The following HYCC2 variants were observed in gnomAD, a reference collection of about 807,000 sequenced individuals.
HYCC2 encodes the protein hyccin PI4KA lipid kinase complex subunit 2.
chr2:201,067,077 T>C, the HYCC2 span: 8 of 303,134 alleles, frequency 2.6e-5, no homozygotes, highest in East Asian at 1.9e-4. Context: ...CTCCATAACA[T>C]TGATGAGCCA....
At chr2:201,064,023 G>C in the HYCC2 span, 42 of 1,595,516 alleles carry the variant, frequency 2.6e-5, no homozygotes, top group Non-Finnish European at 2.4e-5. Flanking sequence ...AGCAGTAGCA[G>C]TAGCTATGGC....
At chr2:200,990,657 C>T in the HYCC2 span, among the ~76,000 whole-genome samples, 2 of 152,108 alleles carry the variant, frequency 1.3e-5, no homozygotes, top group South Asian at 4.1e-4. Flanking sequence ...ACTGCAACCT[C>T]CACCTCCCGG....
chr2:201,066,237 C>A, the HYCC2 span, among the ~76,000 whole-genome samples: 1 of 152,144 alleles, frequency 6.6e-6, no homozygotes, highest in Non-Finnish European at 1.5e-5. Context: ...CCGTGCCCAG[C>A]TAACTTTTGT....
the HYCC2 span, among the ~76,000 whole-genome samples, chr2:201,048,023 C>T: frequency 1.3e-5 from 2 of 152,020 alleles, no homozygotes; most frequent in South Asian, 2.1e-4. Flanking sequence ...ATATCATCCG[C>T]TCAGTTCTGG....
the HYCC2 span, among the ~76,000 whole-genome samples, chr2:201,044,182 T>A: frequency 6.6e-6 from 1 of 152,214 alleles, no homozygotes; most frequent in African/African-American, 2.4e-5. Flanking sequence ...CCAGAATGTA[T>A]AACAAAGAGG....
chr2:201,055,618 A>C, the HYCC2 span, among the ~76,000 whole-genome samples: 1 of 152,134 alleles, frequency 6.6e-6, no homozygotes, highest in Non-Finnish European at 1.5e-5. Context: ...AGGATCACTT[A>C]AGCCCAGAGT....
At chr2:201,026,452 C>A in the HYCC2 span, among the ~76,000 whole-genome samples, 1 of 152,164 alleles carries the variant, frequency 6.6e-6, no homozygotes, top group Non-Finnish European at 1.5e-5. Context: ...CTCAGCTCTG[C>A]ACCAAGCACA....
chr2:201,071,065 C>T, the HYCC2 span, among the ~76,000 whole-genome samples: 2 of 152,194 alleles, frequency 1.3e-5, no homozygotes, highest in Admixed American at 6.5e-5. Context: ...GCAAGACCTC[C>T]TCTCCCAGGA....
the HYCC2 span, among the ~76,000 whole-genome samples, chr2:201,057,310 C>T: frequency 1.3e-5 from 2 of 152,198 alleles, no homozygotes; most frequent in African/African-American, 4.8e-5. Context: ...TTATGACTTT[C>T]TTTGACCAAA....
At chr2:201,006,527 G>A in the HYCC2 span, among the ~76,000 whole-genome samples, 2 of 151,874 alleles carry the variant, frequency 1.3e-5, no homozygotes, top group African/African-American at 4.8e-5. Flanking sequence ...GATACTATTA[G>A]CTCAATTATA....
At chr2:201,060,429 T>C in the HYCC2 span, among the ~76,000 whole-genome samples, 6 of 152,216 alleles carry the variant, frequency 3.9e-5, no homozygotes, top group African/African-American at 1.4e-4. Flanking sequence ...GAGAGGTTTT[T>C]TTAAAAGATG....
the HYCC2 span, among the ~76,000 whole-genome samples, chr2:201,024,613 G>A: frequency 6.6e-6 from 1 of 152,172 alleles, no homozygotes; most frequent in South Asian, 2.1e-4. Context: ...GTAAAATCAA[G>A]TTGCACATTA....
the HYCC2 span, among the ~76,000 whole-genome samples, chr2:201,034,100 A>G: frequency 6.6e-6 from 1 of 152,192 alleles, no homozygotes; most frequent in Non-Finnish European, 1.5e-5. Context: ...CACTTAAAAA[A>G]ATGACTAAAA....
chr2:201,002,452 G>C, the HYCC2 span, among the ~76,000 whole-genome samples: 1 of 152,176 alleles, frequency 6.6e-6, no homozygotes, highest in East Asian at 1.9e-4. Context: ...CAAACTACTA[G>C]TAGGACATTC....
chr2:201,012,051 C>A, the HYCC2 span, among the ~76,000 whole-genome samples: 11 of 152,240 alleles, frequency 7.2e-5, no homozygotes, highest in Admixed American at 3.9e-4. Flanking sequence ...ACACATGCAA[C>A]ACCTCATAGT....
chr2:201,028,475 T>C, the HYCC2 span, among the ~76,000 whole-genome samples: 7 of 152,200 alleles, frequency 4.6e-5, no homozygotes, highest in Admixed American at 2.0e-4. Context: ...TTAAAGTTCA[T>C]ATGGAACCAA....
chr2:201,036,971 T>G, the HYCC2 span, among the ~76,000 whole-genome samples: 6 of 152,216 alleles, frequency 3.9e-5, no homozygotes, highest in African/African-American at 1.4e-4. Context: ...TGTTTGCAGA[T>G]GACATGATTG....
At chr2:201,064,193 CAT>C in the HYCC2 span, 11 of 706,858 alleles carry the variant, frequency 1.6e-5, no homozygotes, top group Admixed American at 1.1e-4. Context: ...GACAAATACT[CAT>C]GTGTATGGGC....
the HYCC2 span, among the ~76,000 whole-genome samples, chr2:200,983,916 G>T: frequency 2.0e-5 from 3 of 152,142 alleles, no homozygotes; most frequent in Non-Finnish European, 2.9e-5. Context: ...AAGCCACCAT[G>T]CAAGAGAATC....
Sources: allele counts gnomAD v4.1 joint callset (sites outside exome capture counted in the v4.1 genomes callset), GRCh38; gene constraint gnomAD v4.1.1; transcripts MANE v1.5; gene names NCBI Gene and HGNC (gene_info 2026-07-23, HGNC 2026-07-21).